STAT5B: variants seen among roughly 807,000 people sequenced by gnomAD.
The protein encoded by STAT5B is signal transducer and activator of transcription 5B, also known as transcription factor STAT5B.
STAT5B carries 21 observed loss-of-function variants against 107.8 expected under a neutral mutation model. That is an observed-to-expected ratio of 0.19 (90% CI 0.14 to 0.28). The LOEUF is 0.28. Ranked by LOEUF, STAT5B falls within the 10% of genes least tolerant of loss-of-function variation. The probability of loss-of-function intolerance (pLI) is 1.00; values close to 1 mark genes in which losing one functional copy is unlikely to be tolerated. For synonymous variants in STAT5B, 325 were observed against 401.7 expected (o/e 0.81, Z 2.28); for missense variants, 565 against 1,008.2 (o/e 0.56, Z 5.95).
intron 1 of STAT5B, among the ~76,000 whole-genome samples, chr17:42,270,330 A>G (rs1221275208): frequency 2.0e-5 from 3 of 152,312 alleles, no homozygotes; most frequent in Middle Eastern, 3.4e-3. Context: ...CCCGCAAAAT[A>G]AAGTTGTAAA....
intron 3 of STAT5B, among the ~76,000 whole-genome samples, chr17:42,226,808 C>CA (rs767274248): frequency 0.036 from 1,715 of 47,466 alleles, 46 homozygotes; most frequent in Non-Finnish European, 0.049. Context: ...AACTCCATCT[C>CA]AAAAAAAAAA....
intron 15 of STAT5B, among the ~76,000 whole-genome samples, chr17:42,208,104 G>A (rs1359381994): frequency 2.6e-5 from 4 of 152,098 alleles, no homozygotes; most frequent in Non-Finnish European, 4.4e-5. Flanking sequence ...ATGTCAGCCA[G>A]GATGGTCTTG....
chr17:42,277,687 T>C (rs1002414247), upstream of STAT5B, among the ~76,000 whole-genome samples: 1 of 152,116 alleles, frequency 6.6e-6, no homozygotes, highest in Admixed American at 6.5e-5. Flanking sequence ...TGACAGTTAC[T>C]GCCCATGATG....
At chr17:42,272,908 G>T (rs1190929728) in intron 1 of STAT5B, among the ~76,000 whole-genome samples, 1 of 152,120 alleles carries the variant, frequency 6.6e-6, no homozygotes, top group African/African-American at 2.4e-5. Context: ...TCTAACACCT[G>T]TAAATTGCTC....
At chr17:42,234,265 C>G (rs559921884) in intron 1 of STAT5B, 10 of 152,188 alleles carry the variant, frequency 6.6e-5, no homozygotes, top group African/African-American at 1.9e-4. Flanking sequence ...TAGGGGAGTG[C>G]CAGTTATCTA....
intron 1 of STAT5B, among the ~76,000 whole-genome samples, chr17:42,258,087 A>G (rs1270543800): frequency 6.6e-6 from 1 of 152,192 alleles, no homozygotes; most frequent in African/African-American, 2.4e-5. Flanking sequence ...CTGTCACAGT[A>G]TATTTGGAAG....
At chr17:42,245,907 C>T (rs1365882178) in intron 1 of STAT5B, among the ~76,000 whole-genome samples, 2 of 152,196 alleles carry the variant, frequency 1.3e-5, no homozygotes, top group Non-Finnish European at 2.9e-5. Flanking sequence ...GATCCTCCCA[C>T]CTCGGCCTCC....
intron 1 of STAT5B, among the ~76,000 whole-genome samples, chr17:42,263,768 C>T (rs931012069): frequency 7.9e-5 from 12 of 151,776 alleles, no homozygotes; most frequent in African/African-American, 2.9e-4. Flanking sequence ...CTCAAGTGAT[C>T]CTCCCACCTC....
In STAT5B at chr17:42,276,347, G is replaced by A. The variant is rs1337976976; in HGVS notation, c.-110C>T. On this transcript the variant is annotated 5_prime_UTR_variant, in exon 1 of 19. Transcript: ENST00000293328. The surrounding 1 kb of genome is among the most constrained non-coding windows in gnomAD (Gnocchi z 4.8). ...TCCCTCGGCCGGGCCGCCGCGCGGA[G>A]TTGCCTGCGCTGGGTCCCCGCCCGG... The A allele has an allele frequency of 6.8e-6, 1 of 146,864 alleles. No homozygotes were observed. Among genetic ancestry groups the A allele is most frequent in the African/African-American group, 2.4e-5 (1 of 40,852 alleles). The allele number at this position is 146,864 out of a possible 1,614,324, so 9.1% of individuals were successfully genotyped here.
At chr17:42,256,855 C>G (rs1401341266) in intron 1 of STAT5B, among the ~76,000 whole-genome samples, 1 of 88,342 alleles carries the variant, frequency 1.1e-5, no homozygotes, top group East Asian at 3.4e-4. Context: ...GAGCGAGACT[C>G]TGTCTCAAAA....
At chr17:42,266,256 A>C (rs1464810777) in intron 1 of STAT5B, among the ~76,000 whole-genome samples, 1 of 151,986 alleles carries the variant, frequency 6.6e-6, no homozygotes, top group Non-Finnish European at 1.5e-5. Flanking sequence ...AGCCAGGCTC[A>C]GGGGCTCACA....
intron 5 of STAT5B, among the ~76,000 whole-genome samples, 195 bp downstream of exon 5, chr17:42,223,187 C>CG (rs928001338): frequency 2.7e-5 from 4 of 149,418 alleles, no homozygotes; most frequent in Admixed American, 6.6e-5. Flanking sequence ...TGCACTTAAG[C>CG]GGGGGGTCCT....
Position 42,217,175 on chromosome 17 carries a change from C to A in STAT5B, c.1365G>T (p.Leu455=), listed in dbSNP as rs888681934. The part of the protein sequence containing the change: ...ESQFSVGGNE[L]VFQVKTLSLP... Reference sequence around the variant, plus strand: ...AAGGCTTTACCTTGACTTGAAAAACCAGCTCATTTCCACCAACACTGAACT... The same window carrying A: ...AAGGCTTTACCTTGACTTGAAAAACAAGCTCATTTCCACCAACACTGAACT... Residue 455 remains leucine, a synonymous_variant, in exon 11 of 19, where the codon CTG becomes CTT. Transcript: ENST00000293328. 7.4e-6 allele frequency: 12 copies of A among 1,612,936 alleles called. No homozygotes were observed. In the African/African-American group the frequency reaches 1.5e-4, roughly 20 times the overall value.
rs913666661 is a variant in STAT5B at position 42,264,479 on chromosome 17, T to C, written c.-11+11769A>G. On this transcript the variant is annotated intron_variant, in intron 1 of 18. Coordinates refer to ENST00000293328, the MANE Select transcript of STAT5B (RefSeq NM_012448.4). ...GGTGTTTGGTTTTTTGTTCTTGCGA[T>C]AGTTTACTGAGAATGATGATTTCCA... Among the ~76,000 whole-genome samples, 16 of 151,594 alleles carry C rather than the reference T, an allele frequency of 1.1e-4. No individual in the cohort carries two copies. In the South Asian group the frequency reaches 1.3e-3, roughly 12 times the overall value.
chr17:42,210,418 G>A lies in STAT5B; in HGVS notation c.1760C>T (p.Pro587Leu), dbSNP rs1598297383. Reference protein sequence around the residue: ...VMEVLKKHLKPHWNDGAILGF... With the variant: ...VMEVLKKHLKLHWNDGAILGF... ...TGATTCTCACCCATCATTCCAATGAGGCTTGAGATGTTTTTTTAACACTTC... is the reference window on the plus strand; with the variant it reads ...TGATTCTCACCCATCATTCCAATGAAGCTTGAGATGTTTTTTTAACACTTC... The change falls in exon 14 of 19, where the codon CCT (proline) becomes CTT (leucine). Residue 587 changes from proline to leucine, a missense_variant. Physicochemically the swap from Pro to Leu is moderately conservative, Grantham distance 98 (BLOSUM62 -3). Coordinates refer to ENST00000293328, the MANE Select transcript of STAT5B (RefSeq NM_012448.4). The A allele has an allele frequency of 6.2e-7, 1 of 1,614,158 alleles. No individual in the cohort carries two copies. The highest frequency in any genetic ancestry group is 8.5e-7 in the Non-Finnish European group (1 of 1,180,028).
Position 42,202,287 on chromosome 17 carries a change from G to A in STAT5B, c.2237+53C>T, listed in dbSNP as rs1831483213. On this transcript the variant is annotated intron_variant, in intron 18 of 18. Coordinates refer to ENST00000293328, the MANE Select transcript of STAT5B (RefSeq NM_012448.4). ...CCCCAGCCCTCCAGGGGTCCAGCCT[G>A]GGGCCAAGCCCCCAGTTCCTCCCCT... The A allele has an allele frequency of 1.9e-6, 3 of 1,607,302 alleles. No homozygotes were observed. The Admixed American group carries it at 5.0e-5, about 27-fold the overall frequency.
chr17:42,230,192 GAA>G (rs1287736731), intron 2 of STAT5B, among the ~76,000 whole-genome samples: 1 of 151,952 alleles, frequency 6.6e-6, no homozygotes, highest in African/African-American at 2.4e-5. Context: ...TAATTGCCTA[GAA>G]AATTGCCTTT....
chr17:42,256,427 T>C (rs2080545136), intron 1 of STAT5B, among the ~76,000 whole-genome samples: 1 of 152,158 alleles, frequency 6.6e-6, no homozygotes, highest in African/African-American at 2.4e-5. Flanking sequence ...TTTCAGTCCT[T>C]CTGAGGGTTG....
chr17:42,277,610 G>A (rs1300477088), upstream of STAT5B, among the ~76,000 whole-genome samples: 1 of 152,178 alleles, frequency 6.6e-6, no homozygotes, highest in African/African-American at 2.4e-5. Context: ...GGAGCTTGGA[G>A]GCCAGAGAAG....
Sources: gnomAD v4.1 joint callset for allele counts (sites outside exome capture counted in the v4.1 genomes callset) on GRCh38, gnomAD v4.1.1 for gene constraint, Gnocchi (gnomAD v3.1) non-coding constraint, MANE v1.5 for transcripts, NCBI Gene and HGNC (gene_info 2026-07-23, HGNC 2026-07-21) for gene names.